Variants in CFAP20DC observed in about 807,000 individuals in gnomAD.
CFAP20DC encodes the protein protein CFAP20DC.
In CFAP20DC, 84 loss-of-function variants were observed where a neutral mutation model predicts 101.7. The ratio of observed to expected loss-of-function variants is 0.83; its 90% confidence interval spans 0.69 to 0.99. The LOEUF is 0.99. CFAP20DC is among the 50% of genes least tolerant of loss of function. CFAP20DC has a pLI of 0.00. For synonymous variants in CFAP20DC, 359 were observed against 351.2 expected, an observed-to-expected ratio of 1.02 and a Z score of -0.25; for missense variants, 1,007 against 970.3, an observed-to-expected ratio of 1.04 and a Z score of -0.50.
chr3:59,044,239 T>G (rs1465125556), intron 3 of CFAP20DC, among the ~76,000 whole-genome samples: 1 of 152,176 alleles, frequency 6.6e-6, no homozygotes, highest in Non-Finnish European at 1.5e-5. Flanking sequence ...TTTATAAATG[T>G]TAATTAAAAG....
Position 58,988,963 on chromosome 3 carries a change from G to A in CFAP20DC, c.278+50594C>T, listed in dbSNP as rs113877118. 5.4e-3 allele frequency among the ~76,000 whole-genome samples: 813 copies of A among 151,870 alleles called. 7 individuals are homozygous for A. Among genetic ancestry groups the A allele is most frequent in the Non-Finnish European group, 9.3e-3 (631 of 67,914 alleles). The stretch of plus-strand genomic sequence containing the variant: ...CATTTCTAAAATATTTACATTCTGT[G>A]TTTTTTTAAAAACTATTTTTCCAGG... On this transcript the variant is annotated intron_variant, in intron 4 of 16. Coordinates refer to ENST00000482387, the MANE Select transcript of CFAP20DC (RefSeq NM_001394063.1).
At chr3:58,820,748 C>T (rs1414677540) in intron 14 of CFAP20DC, among the ~76,000 whole-genome samples, 4 of 146,864 alleles carry the variant, frequency 2.7e-5, no homozygotes, top group Non-Finnish European at 6.0e-5. Context: ...AATGCCATCC[C>T]CATCAAGCTA....
rs1471272165 is a variant in CFAP20DC, at chr3:59,014,816, C to T, written c.278+24741G>A. On this transcript the variant is annotated intron_variant, in intron 4 of 16. Coordinates refer to ENST00000482387, the MANE Select transcript of CFAP20DC (RefSeq NM_001394063.1). This position sits in a 1 kb window ranked among gnomAD's most constrained non-coding sequence, Gnocchi z 4.9. ...ATATGGACCATGGCTATATGTAGTA[C>T]TACTCCTTAGCAGTATGCTTGACTG... Among the ~76,000 whole-genome samples, 1 of 152,066 alleles carries T rather than the reference C, an allele frequency of 6.6e-6. No homozygotes were observed. The highest frequency in any genetic ancestry group is 2.4e-5 in the African/African-American group (1 of 41,400).
At chr3:58,847,319 G>GA (rs1392677618) in intron 13 of CFAP20DC, among the ~76,000 whole-genome samples, 2 of 147,510 alleles carry the variant, frequency 1.4e-5, no homozygotes, top group African/African-American at 2.5e-5. Flanking sequence ...AAATTTACAA[G>GA]AAAAAAACAA....
intron 5 of CFAP20DC, among the ~76,000 whole-genome samples, chr3:58,915,558 G>A (rs2107450265): frequency 6.6e-6 from 1 of 151,938 alleles, no homozygotes; most frequent in Admixed American, 6.6e-5. Flanking sequence ...TTAGACTCTG[G>A]GCTTGGCTCC....
chr3:59,032,065 G>C (rs1357799576), intron 4 of CFAP20DC, among the ~76,000 whole-genome samples: 1 of 152,118 alleles, frequency 6.6e-6, no homozygotes, highest in Non-Finnish European at 1.5e-5. Context: ...AGCAGGGTAG[G>C]GTGTCACCTC....
chr3:58,833,527 C>A (rs372239790), intron 13 of CFAP20DC, among the ~76,000 whole-genome samples: 1 of 152,110 alleles, frequency 6.6e-6, no homozygotes, highest in African/African-American at 2.4e-5. Context: ...CAATGAGATA[C>A]CTTCACACCC....
At position 59,006,156 on chromosome 3, in the gene CFAP20DC, G is replaced by T. The variant is rs1331413464; in HGVS notation, c.278+33401C>A. Among the ~76,000 whole-genome samples the T allele has an allele frequency of 6.6e-6, 1 of 152,096 alleles. No homozygotes were observed. Among genetic ancestry groups the T allele is most frequent in the Non-Finnish European group, 1.5e-5 (1 of 68,022 alleles). ...GGATGGATGGATGGATGGATGGATG[G>T]ACGGGGAGGAGGGGCGAATAGGTTA... On this transcript the variant is annotated intron_variant, in intron 4 of 16. Transcript: ENST00000482387. This position sits in a 1 kb window ranked among gnomAD's most constrained non-coding sequence, Gnocchi z 4.3.
intron 4 of CFAP20DC, among the ~76,000 whole-genome samples, chr3:58,957,574 C>T (rs1347706745): frequency 2.0e-5 from 3 of 152,144 alleles, no homozygotes; most frequent in Non-Finnish European, 4.4e-5. Context: ...CAGCACTCTT[C>T]ACAATAGCCA....
At chr3:58,960,773 TTCTTG>T (rs1421824852) in intron 4 of CFAP20DC, among the ~76,000 whole-genome samples, 15 of 152,200 alleles carry the variant, frequency 9.9e-5, no homozygotes, top group Admixed American at 9.8e-4. Flanking sequence ...ATATTTATTT[TTCTTG>T]TCTTATTTCA....
At chr3:58,781,922 T>C (rs1163850050) in intron 15 of CFAP20DC, among the ~76,000 whole-genome samples, 1 of 152,036 alleles carries the variant, frequency 6.6e-6, no homozygotes. Context: ...CCCTGACTCA[T>C]TCTATGAGAC....
chr3:58,901,970 G>A (rs1202503002), intron 6 of CFAP20DC, among the ~76,000 whole-genome samples: 6 of 152,084 alleles, frequency 3.9e-5, no homozygotes, highest in African/African-American at 1.4e-4. Context: ...TGTCTCTGTG[G>A]ATTTGCCTAT....
chr3:59,039,714 G>T, intron 3 of CFAP20DC, 85 bp from the exon 4 acceptor site: 1 of 785,978 alleles, frequency 1.3e-6, no homozygotes, highest in Non-Finnish European at 2.0e-6. Flanking sequence ...CCACGAACAA[G>T]CTGAAGATTT....
At chr3:58,727,094 T>A in intron 3 of CFAP20DC, 1 of 202,220 alleles carries the variant, frequency 4.9e-6, no homozygotes. Flanking sequence ...TGGCTCCACC[T>A]CCCATAGGGG....
chr3:58,720,896 T>C (rs1348620774), intron 3 of CFAP20DC, among the ~76,000 whole-genome samples: 1 of 152,256 alleles, frequency 6.6e-6, no homozygotes, highest in Admixed American at 6.5e-5. Flanking sequence ...GGAGTAATTA[T>C]TTGTTCCTAT....
Position 58,949,927 on chromosome 3 carries a change from T to G in CFAP20DC, c.279-12165A>C, listed in dbSNP as rs537288671. Among the ~76,000 whole-genome samples the G allele has an allele frequency of 5.9e-5, 9 of 152,208 alleles. No individual in the cohort carries two copies. The East Asian group carries it at 1.7e-3, about 29-fold the overall frequency. On this transcript the variant is annotated intron_variant, in intron 4 of 16. Transcript: ENST00000482387. ...TGTTGGAAGTTCTGGCCAGGGCAAT[T>G]AGGCAGGAGAAGGAAATAAAGGGCA...
intron 15 of CFAP20DC, among the ~76,000 whole-genome samples, chr3:58,777,827 G>A (rs780857106): frequency 1.6e-4 from 25 of 152,142 alleles, no homozygotes; most frequent in African/African-American, 2.9e-4. Flanking sequence ...AAGACAAGGC[G>A]CTGTCTGGAG....
chr3:58,863,599 G>T lies in CFAP20DC; in HGVS notation c.1552C>A (p.Gln518Lys), dbSNP rs866283009. The change falls in exon 12 of 17, where the codon CAA becomes AAA. Residue 518 changes from glutamine to lysine, a missense_variant. Transcript: ENST00000482387. This position sits in a 1 kb window ranked among gnomAD's most constrained non-coding sequence, Gnocchi z 5.9. ...CCGCCGTAAAAATCATCCTCTGATT[G>T]GGTGTCTCTGCTTGTCACACTGTTA... is the stretch of plus-strand genomic sequence containing the variant. ...EDNSVTSRDT[Q>K]SEDDFYGGDS... is the part of the protein sequence containing the mutation. 4.3e-6 allele frequency: 7 copies of T among 1,614,028 alleles called. No individual in the cohort carries two copies. The highest frequency in any genetic ancestry group is 2.2e-5 in the East Asian group (1 of 44,884).
At position 58,753,752 on chromosome 3, in the gene CFAP20DC, G is replaced by A. The variant is rs575708120; in HGVS notation, c.2332+17C>T. ...TTATTTTTATTTTCTTATGCATATC[G>A]TTTTTCATAGTCCCACCTTGAACAC... On this transcript the variant is annotated intron_variant, in intron 16 of 16. Transcript: ENST00000482387. 9.1e-6 allele frequency: 14 copies of A among 1,540,930 alleles called. No individual in the cohort carries two copies. In the East Asian group the frequency reaches 2.0e-4, roughly 22 times the overall value.
Sources: gnomAD v4.1 joint callset for allele counts (sites outside exome capture counted in the v4.1 genomes callset) on GRCh38, gnomAD v4.1.1 for gene constraint, Gnocchi (gnomAD v3.1) non-coding constraint, MANE v1.5 for transcripts, NCBI Gene and HGNC (gene_info 2026-07-23, HGNC 2026-07-21) for gene names.